Variants in GRIN2B observed in about 807,000 individuals in gnomAD.
GRIN2B encodes the protein glutamate receptor ionotropic, NMDA 2B.
In GRIN2B, 5 loss-of-function variants were observed where a neutral mutation model predicts 114.5. The observed-to-expected ratio is 0.04, with a 90% CI of 0.02 to 0.09. GRIN2B has a LOEUF of 0.09. Ranked by LOEUF, GRIN2B falls within the 10% of genes least tolerant of loss-of-function variation. GRIN2B has a pLI of 1.00. For missense variants in GRIN2B, 1,108 were observed against 1,943.5 expected, an observed-to-expected ratio of 0.57 and a Z score of 8.08; for synonymous variants, 787 against 745.1, an observed-to-expected ratio of 1.06 and a Z score of -0.92.
chr12:13,830,810 G>T (rs1053757654), intron 3 of GRIN2B, among the ~76,000 whole-genome samples: 1 of 152,166 alleles, frequency 6.6e-6, no homozygotes, highest in African/African-American at 2.4e-5. Context: ...AGGAAATAAG[G>T]CCTAACAGGA....
At position 13,958,669 on chromosome 12, in the gene GRIN2B, G is replaced by A. The variant is rs73303072; in HGVS notation, c.-19+21259C>T. Among the ~76,000 whole-genome samples, 614 of 152,218 alleles carry A rather than the reference G, an allele frequency of 4.0e-3. 9 individuals carry two copies. The highest frequency in any genetic ancestry group is 0.013 in the African/African-American group (554 of 41,532). On this transcript the variant is annotated intron_variant, in intron 2 of 13. Coordinates refer to ENST00000609686, the MANE Select transcript of GRIN2B (RefSeq NM_000834.5). ...CTGACGGAGGCATTTTGTTGCCTGT[G>A]TTTGGCAAGCCCAGATTTGCTTCCT...
chr12:13,861,721 G>C (rs1187136245), intron 3 of GRIN2B, among the ~76,000 whole-genome samples: 1 of 152,158 alleles, frequency 6.6e-6, no homozygotes, highest in African/African-American at 2.4e-5. Context: ...TCACACTTCA[G>C]AGCCTTCCCC....
Position 13,869,940 on chromosome 12 carries a change from T to C in GRIN2B, c.-18-3714A>G, listed in dbSNP as rs1401295177. On this transcript the variant is annotated intron_variant, in intron 2 of 13. Transcript: ENST00000609686. The stretch of plus-strand genomic sequence containing the variant: ...TGTGAAGATCAAATGAAAATATGTA[T>C]ATGGAAGTGCTTTGAATAATCTAAA... Among the ~76,000 whole-genome samples, 3 of 152,166 alleles carry C rather than the reference T, an allele frequency of 2.0e-5. No individual in the cohort carries two copies. In the East Asian group the frequency reaches 5.8e-4, roughly 29 times the overall value.
intron 4 of GRIN2B, among the ~76,000 whole-genome samples, chr12:13,694,662 T>TCAC (rs1950244076): frequency 4.1e-5 from 2 of 48,802 alleles, no homozygotes; most frequent in African/African-American, 1.1e-4. Context: ...ATGTCATATA[T>TCAC]ATATATATAT....
chr12:13,936,253 T>A (rs561553171), intron 2 of GRIN2B, among the ~76,000 whole-genome samples: 2 of 152,286 alleles, frequency 1.3e-5, no homozygotes, highest in South Asian at 4.1e-4. Flanking sequence ...GAAAGAGAAG[T>A]GCTGGAGCTG....
intron 10 of GRIN2B, among the ~76,000 whole-genome samples, chr12:13,584,513 T>C (rs1391058857): frequency 6.6e-6 from 1 of 152,226 alleles, no homozygotes; most frequent in Non-Finnish European, 1.5e-5. Context: ...ATTTAGCTGT[T>C]GATACATTAT....
intron 10 of GRIN2B, among the ~76,000 whole-genome samples, chr12:13,576,901 G>C (rs1038340877): frequency 6.6e-6 from 1 of 152,110 alleles, no homozygotes; most frequent in African/African-American, 2.4e-5. Flanking sequence ...CTTGAATGTG[G>C]AATCTTTTTC....
intron 3 of GRIN2B, among the ~76,000 whole-genome samples, chr12:13,864,386 G>A (rs1379643896): frequency 1.3e-5 from 2 of 152,132 alleles, no homozygotes; most frequent in Admixed American, 6.5e-5. Flanking sequence ...GTTTTAAGGT[G>A]TTTACAAACA....
chr12:13,821,081 C>A (rs144171964), intron 3 of GRIN2B, among the ~76,000 whole-genome samples: 1 of 151,906 alleles, frequency 6.6e-6, no homozygotes, highest in South Asian at 2.1e-4. Flanking sequence ...TAAAATACCC[C>A]CTGCTCTTCC....
chr12:13,803,997 C>T (rs1864559230), intron 3 of GRIN2B, among the ~76,000 whole-genome samples: 1 of 152,174 alleles, frequency 6.6e-6, no homozygotes, highest in Admixed American at 6.6e-5. Context: ...TGCCACTTCA[C>T]TAAGTACTTT....
At chr12:13,592,680 A>T (rs1638751606) in intron 10 of GRIN2B, among the ~76,000 whole-genome samples, 2 of 152,148 alleles carry the variant, frequency 1.3e-5, no homozygotes, top group Admixed American at 1.3e-4. Flanking sequence ...TCATTTATCT[A>T]TACCTGTACT....
At chr12:13,857,830 T>G (rs1403308766) in intron 3 of GRIN2B, among the ~76,000 whole-genome samples, 1 of 152,192 alleles carries the variant, frequency 6.6e-6, no homozygotes, top group Middle Eastern at 3.2e-3. Flanking sequence ...AAATCAAGGA[T>G]GTGGGGAAGA....
At chr12:13,697,879 T>A (rs1565504416) in intron 4 of GRIN2B, among the ~76,000 whole-genome samples, 2 of 152,126 alleles carry the variant, frequency 1.3e-5, no homozygotes, top group Non-Finnish European at 2.9e-5. Flanking sequence ...ATCCTGAGAG[T>A]GCATTTTGCT....
chr12:13,651,906 A>G (rs1949817103), intron 5 of GRIN2B, among the ~76,000 whole-genome samples: 1 of 152,106 alleles, frequency 6.6e-6, no homozygotes, highest in African/African-American at 2.4e-5. Context: ...TTTATCCAGT[A>G]AGATGAGTTA....
chr12:13,564,357 C>T lies in GRIN2B; in HGVS notation c.2881G>A (p.Asp961Asn), dbSNP rs200538130. 1.9e-6 allele frequency: 3 copies of T among 1,614,082 alleles called. No individual in the cohort carries two copies. Among genetic ancestry groups the T allele is most frequent in the African/African-American group, 1.3e-5 (1 of 74,926 alleles). ...NPPCEENLFS[D>N]YISEVERTFG... is the part of the protein sequence containing the mutation. ...GTTCTCTCTACCTCACTGATGTAGTCACTGAAGAGGTTCTCCTCACAGGGC... is the reference window on the plus strand; with the variant it reads ...GTTCTCTCTACCTCACTGATGTAGTTACTGAAGAGGTTCTCCTCACAGGGC... The change falls in exon 14 of 14, where the codon GAC becomes AAC. Residue 961 changes from aspartate to asparagine, a missense_variant. Physicochemically the swap from Asp to Asn is conservative, Grantham distance 23. Transcript: ENST00000609686. This position sits in a 1 kb window ranked among gnomAD's most constrained non-coding sequence, Gnocchi z 4.8.
intron 3 of GRIN2B, among the ~76,000 whole-genome samples, chr12:13,766,791 ATCTCT>A (rs1215812828): frequency 6.6e-6 from 1 of 152,238 alleles, no homozygotes; most frequent in African/African-American, 2.4e-5. Flanking sequence ...ATAATTCCTC[ATCTCT>A]TCTCTTCTCT....
intron 3 of GRIN2B, among the ~76,000 whole-genome samples, chr12:13,853,185 C>T (rs1865601216): frequency 1.3e-5 from 2 of 152,214 alleles, no homozygotes; most frequent in Admixed American, 1.3e-4. Context: ...GCATTCACCA[C>T]TATCCAAAAT....
intron 5 of GRIN2B, among the ~76,000 whole-genome samples, chr12:13,671,004 G>T (rs1235698069): frequency 6.6e-6 from 1 of 152,104 alleles, no homozygotes; most frequent in African/African-American, 2.4e-5. Context: ...TATTTTCAGA[G>T]GAGTACATAA....
intron 3 of GRIN2B, among the ~76,000 whole-genome samples, chr12:13,847,614 TG>T (rs1381177333): frequency 2.0e-5 from 3 of 150,558 alleles, no homozygotes; most frequent in Admixed American, 1.3e-4. Flanking sequence ...TCACAGGAGA[TG>T]GGGGGGAGGA....
Sources: gnomAD v4.1 joint callset for allele counts (sites outside exome capture counted in the v4.1 genomes callset) on GRCh38, gnomAD v4.1.1 for gene constraint, Gnocchi (gnomAD v3.1) non-coding constraint, MANE v1.5 for transcripts, NCBI Gene and HGNC (gene_info 2026-07-23, HGNC 2026-07-21) for gene names.